Variants in EAF2 observed in about 807,000 individuals in gnomAD.
EAF2 encodes the protein ELL associated factor 2.
In EAF2, 29 loss-of-function variants were observed where a neutral mutation model predicts 29.4. The observed-to-expected ratio is 0.99, with a 90% CI of 0.73 to 1.35. The LOEUF (loss-of-function observed/expected upper bound fraction) is 1.35, where lower values mean the gene tolerates loss of function less well. Among genes scored for constraint, EAF2 ranks in the 40% most tolerant of loss-of-function variants. The pLI is 0.00. For missense variants in EAF2, 292 were observed against 312.0 expected (o/e 0.94, Z 0.48); for synonymous variants, 103 against 102.5 (o/e 1.00, Z -0.03).
At chr3:121,853,618 G>T (rs1484423394) in intron 2 of EAF2, among the ~76,000 whole-genome samples, 1 of 151,994 alleles carries the variant, frequency 6.6e-6, no homozygotes, top group Non-Finnish European at 1.5e-5. Flanking sequence ...TTATGCCATT[G>T]GTTTGTTGGA....
chr3:121,880,877 T>C lies in EAF2; in HGVS notation c.737-5465T>C, dbSNP rs1025885450. On this transcript the variant is annotated intron_variant, in intron 5 of 5. Coordinates refer to ENST00000273668, the MANE Select transcript of EAF2 (RefSeq NM_018456.6). The stretch of plus-strand genomic sequence containing the variant: ...ACTGTGGGTTTCTCTTATATGGCCT[T>C]TATTATGTCGAGGTACACTCCTTCT... Among the ~76,000 whole-genome samples the C allele has an allele frequency of 2.0e-5, 3 of 152,124 alleles. No individual in the cohort carries two copies. The East Asian group carries it at 5.8e-4, about 29-fold the overall frequency.
intron 3 of EAF2, among the ~76,000 whole-genome samples, chr3:121,856,228 T>C (rs1033987861): frequency 1.6e-4 from 25 of 152,212 alleles, no homozygotes; most frequent in African/African-American, 6.0e-4. Context: ...ATCTTAGAAC[T>C]TACGGAATAT....
At chr3:121,865,343 A>C (rs932857468) in intron 4 of EAF2, among the ~76,000 whole-genome samples, 1 of 152,230 alleles carries the variant, frequency 6.6e-6, no homozygotes, top group Admixed American at 6.5e-5. Flanking sequence ...TAGTATGAGA[A>C]TGGAACTTCA....
At chr3:121,839,124 T>C (rs145450017) in intron 1 of EAF2, among the ~76,000 whole-genome samples, 2 of 152,358 alleles carry the variant, frequency 1.3e-5, no homozygotes, top group East Asian at 3.9e-4. Context: ...AGCTTGACTT[T>C]AGAAGTGCTT....
chr3:121,844,609 A>G (rs1708490826), intron 2 of EAF2, 62 bp downstream of exon 2: 1 of 1,095,866 alleles, frequency 9.1e-7, no homozygotes, highest in Non-Finnish European at 1.3e-6. Context: ...ATTTAAATGA[A>G]AATAATTGCA....
rs868367900 is a variant in EAF2, at chr3:121,870,561, T to C, written c.485-1976T>C. ...CAAGAAGGAGCCAGCCTTTCAGAGATCTAGAATCTTCTCAAGAGACACCAT... is the reference window on the plus strand; with the variant it reads ...CAAGAAGGAGCCAGCCTTTCAGAGACCTAGAATCTTCTCAAGAGACACCAT... On this transcript the variant is annotated intron_variant, in intron 4 of 5. Transcript: ENST00000273668. Among the ~76,000 whole-genome samples the C allele has an allele frequency of 2.0e-5, 3 of 152,064 alleles. 1 individual carries two copies. Among genetic ancestry groups the C allele is most frequent in the South Asian group, 4.1e-4 (2 of 4,830 alleles).
At position 121,861,348 on chromosome 3, in the gene EAF2, G is replaced by T. The variant is rs566744732; in HGVS notation, c.484+4192G>T. Among the ~76,000 whole-genome samples, 10 of 152,198 alleles carry T rather than the reference G, an allele frequency of 6.6e-5. No homozygotes were observed. The South Asian group carries it at 2.1e-3, about 32-fold the overall frequency. ...CTAAGGACTTGCTTTATGAATCTGG[G>T]TACTCCTGTACTGGGTGCATATATA... On this transcript the variant is annotated intron_variant, in intron 4 of 5. Coordinates refer to ENST00000273668, the MANE Select transcript of EAF2 (RefSeq NM_018456.6).
chr3:121,835,529 G>A, intron 1 of EAF2, 138 bp downstream of exon 1: 2 of 755,102 alleles, frequency 2.6e-6, no homozygotes, highest in Non-Finnish European at 4.4e-6. Context: ...GAGGCAGCGC[G>A]ATCCTCTAAC....
chr3:121,844,410 A>G, intron 1 of EAF2, 43 bp from the exon 2 acceptor site: 1 of 1,182,180 alleles, frequency 8.5e-7, no homozygotes, highest in Non-Finnish European at 1.2e-6. Flanking sequence ...ATATCCAAAT[A>G]TCATTACATT....
In EAF2 at chr3:121,846,712, T is replaced by C. The variant is rs192455500; in HGVS notation, c.201+2165T>C. ...TAATGATTGGTTTGCAGAATCACTT[T>C]AGTTGGATTTTTTTTTTTGCCAAGT... is the stretch of plus-strand genomic sequence containing the variant. On this transcript the variant is annotated intron_variant, in intron 2 of 5. Coordinates refer to ENST00000273668, the MANE Select transcript of EAF2 (RefSeq NM_018456.6). Among the ~76,000 whole-genome samples the C allele has an allele frequency of 3.5e-5, 5 of 144,796 alleles. No individual in the cohort carries two copies. The East Asian group carries it at 9.7e-4, about 28-fold the overall frequency. 95.0% of individuals were successfully genotyped at this position (144,796 alleles called of 152,430 possible). A position where few individuals can be genotyped will look rare whatever the true frequency, so the allele number is the denominator to read the frequency against.
rs1559828591 is a variant in EAF2 at position 121,872,657 on chromosome 3, G to T, written c.605G>T (p.Cys202Phe). The T allele has an allele frequency of 1.2e-5, 20 of 1,612,840 alleles. No homozygotes were observed. The highest frequency in any genetic ancestry group is 1.7e-5 in the Non-Finnish European group (20 of 1,179,252). Residue 202 changes from cysteine (C) to phenylalanine (F), a missense_variant, in exon 5 of 6, where the codon TGC becomes TTC. Transcript: ENST00000273668. Reference sequence around the variant, plus strand: ...TCTAGTGACTCAGAAGATGAAGATTGCAAATCCTCTACTTCTGATACAGGG... The same window carrying T: ...TCTAGTGACTCAGAAGATGAAGATTTCAAATCCTCTACTTCTGATACAGGG... ...DSSSDSEDED[C>F]KSSTSDTGNC...
chr3:121,855,070 T>A (rs180675551), intron 3 of EAF2, among the ~76,000 whole-genome samples: 1 of 152,268 alleles, frequency 6.6e-6, no homozygotes, highest in Admixed American at 6.5e-5. Context: ...ACACTTTTTA[T>A]CCTATTGTAG....
intron 5 of EAF2, among the ~76,000 whole-genome samples, chr3:121,882,819 T>A (rs1056466124): frequency 6.6e-6 from 1 of 151,450 alleles, no homozygotes; most frequent in Non-Finnish European, 1.5e-5. Flanking sequence ...TAGTGAAATT[T>A]CTTTTCCTGA....
At chr3:121,849,410 T>C (rs1708587997) in intron 2 of EAF2, among the ~76,000 whole-genome samples, 1 of 152,188 alleles carries the variant, frequency 6.6e-6, no homozygotes, top group Non-Finnish European at 1.5e-5. Flanking sequence ...TTCTCCATGA[T>C]TGCTACAAAA....
chr3:121,886,234 G>A (rs1274609402), intron 5 of EAF2, 108 bp from the exon 6 acceptor site: 2 of 566,864 alleles, frequency 3.5e-6, no homozygotes, highest in Non-Finnish European at 2.8e-6. Context: ...AAAATACTAG[G>A]TAAACAGAAT....
chr3:121,841,322 G>T (rs1041604384), intron 1 of EAF2, among the ~76,000 whole-genome samples: 2 of 151,070 alleles, frequency 1.3e-5, no homozygotes, highest in African/African-American at 4.9e-5. Flanking sequence ...TGACCAATTT[G>T]GTGAAACCCC....
intron 1 of EAF2, among the ~76,000 whole-genome samples, chr3:121,839,197 C>A (rs1708360569): frequency 6.6e-6 from 1 of 152,104 alleles, no homozygotes; most frequent in Non-Finnish European, 1.5e-5. Flanking sequence ...CATTCAGGAC[C>A]TTTTATATAA....
intron 4 of EAF2, among the ~76,000 whole-genome samples, chr3:121,868,347 C>G (rs2107534402): frequency 6.6e-6 from 1 of 152,248 alleles, no homozygotes; most frequent in Middle Eastern, 3.4e-3. Context: ...GCCTGCAATC[C>G]CAGCACTTTG....
chr3:121,860,884 T>A (rs1387972128), intron 4 of EAF2, among the ~76,000 whole-genome samples: 2 of 152,354 alleles, frequency 1.3e-5, no homozygotes, highest in East Asian at 3.9e-4. Context: ...TTGTTCTCAT[T>A]GGTTTCAAAG....
Sources: gnomAD v4.1 joint callset for allele counts (sites outside exome capture counted in the v4.1 genomes callset) on GRCh38, gnomAD v4.1.1 for gene constraint, MANE v1.5 for transcripts, NCBI Gene and HGNC (gene_info 2026-07-23, HGNC 2026-07-21) for gene names.